KLHL15: variants seen among roughly 807,000 people sequenced by gnomAD.
KLHL15 encodes kelch-like protein 15.
KLHL15 carries 1 observed loss-of-function variant against 29.3 expected under a neutral mutation model. The ratio of observed to expected loss-of-function variants is 0.03; its 90% CI spans 0.01 to 0.16. The LOEUF (loss-of-function observed/expected upper bound fraction) is 0.16, where lower values mean the gene tolerates loss of function less well. KLHL15 is among the 10% of genes least tolerant of loss of function. The pLI is 1.00. For missense variants in KLHL15, 215 were observed against 478.5 expected, an observed-to-expected ratio of 0.45 and a Z score of 5.14; for synonymous variants, 212 against 184.5, an observed-to-expected ratio of 1.15 and a Z score of -1.21.
At position 23,983,910 on chromosome X, in the gene KLHL15, A is replaced by G. The variant is rs1928942065; in HGVS notation, c.*4011T>C. On this transcript the variant is annotated 3_prime_UTR_variant, in exon 4 of 4. Coordinates refer to ENST00000328046, the MANE Select transcript of KLHL15 (RefSeq NM_030624.3). Reference sequence around the variant, plus strand: ...AAAAGGCAAACCTTAAATTATTCTAAGATTTTTATATCGGCCCTAGGATTA... The same window carrying G: ...AAAAGGCAAACCTTAAATTATTCTAGGATTTTTATATCGGCCCTAGGATTA... 9.0e-6 allele frequency: 1 copy of G among 111,631 alleles called. No individual in the cohort carries two copies. The highest frequency in any genetic ancestry group is 3.3e-5 in the African/African-American group (1 of 30,763). The allele number at this position is 111,631 out of a possible 1,213,427, so 9.2% of individuals were successfully genotyped here.
intron 2 of KLHL15, among the ~76,000 whole-genome samples, chrX:24,024,233 G>T (rs373138088): frequency 1.4e-4 from 16 of 111,801 alleles, no homozygotes; most frequent in African/African-American, 4.9e-4. Flanking sequence ...TCACAGCACT[G>T]CTTTACTATT....
intron 2 of KLHL15, among the ~76,000 whole-genome samples, chrX:24,020,923 CTATAATA>C (rs990315833): frequency 2.0e-5 from 2 of 102,009 alleles, no homozygotes; most frequent in African/African-American, 6.7e-5. Context: ...AATCATTAGT[CTATAATA>C]TATATCATTA....
chrX:24,011,084 A>G (rs1428893430), intron 2 of KLHL15, among the ~76,000 whole-genome samples: 2 of 108,390 alleles, frequency 1.8e-5, no homozygotes, highest in African/African-American at 3.4e-5. Context: ...TGTTTCATCA[A>G]TATGTTGTCC....
intron 2 of KLHL15, among the ~76,000 whole-genome samples, chrX:24,010,737 G>T (rs780686080): frequency 5.7e-4 from 63 of 111,263 alleles, no homozygotes; most frequent in Non-Finnish European, 1.0e-3. Flanking sequence ...CCTTCCCCTG[G>T]TTAGGTATTT....
intron 2 of KLHL15, among the ~76,000 whole-genome samples, chrX:24,018,617 G>A (rs1929740769): frequency 9.0e-6 from 1 of 111,284 alleles, no homozygotes; most frequent in Non-Finnish European, 1.9e-5. Context: ...AGCATGATCT[G>A]GGGACAAGTG....
intron 3 of KLHL15, among the ~76,000 whole-genome samples, chrX:23,994,937 A>G (rs1291810707): frequency 9.0e-6 from 1 of 111,474 alleles, no homozygotes; most frequent in Non-Finnish European, 1.9e-5. Context: ...TCGGCCTCCC[A>G]AAGTGCTGGG....
intron 3 of KLHL15, among the ~76,000 whole-genome samples, chrX:23,997,632 G>A (rs1266269298): frequency 2.0e-5 from 2 of 102,435 alleles, no homozygotes; most frequent in Non-Finnish European, 4.0e-5. Context: ...TCGGGAGGCT[G>A]AGGCAGGAGA....
At chrX:24,009,238 T>C (rs1929522664) in intron 2 of KLHL15, among the ~76,000 whole-genome samples, 1 of 111,054 alleles carries the variant, frequency 9.0e-6, no homozygotes, top group African/African-American at 3.3e-5. Flanking sequence ...GGCTCATGCC[T>C]GTAATCCCAA....
At chrX:23,990,793 T>C (rs928945797) in intron 3 of KLHL15, among the ~76,000 whole-genome samples, 1 of 110,771 alleles carries the variant, frequency 9.0e-6, no homozygotes, top group Non-Finnish European at 1.9e-5. Flanking sequence ...CTCCTCTCTT[T>C]CCTTTCCTCC....
At chrX:24,017,484 T>C (rs1929711346) in intron 2 of KLHL15, among the ~76,000 whole-genome samples, 1 of 110,331 alleles carries the variant, frequency 9.1e-6, no homozygotes, top group Non-Finnish European at 1.9e-5. Context: ...ATAATGCAGA[T>C]TTATAACAGA....
At chrX:24,018,428 A>G (rs1375628226) in intron 2 of KLHL15, among the ~76,000 whole-genome samples, 1 of 110,315 alleles carries the variant, frequency 9.1e-6, no homozygotes, top group Non-Finnish European at 1.9e-5. Context: ...TCAGAATTTC[A>G]AATAGTAGGT....
At chrX:24,020,485 T>C (rs1285921803) in intron 2 of KLHL15, among the ~76,000 whole-genome samples, 2 of 111,897 alleles carry the variant, frequency 1.8e-5, no homozygotes, top group Non-Finnish European at 3.8e-5. Context: ...ACCATTTAAC[T>C]AAGCTATTAG....
chrX:24,012,596 C>G (rs1052323327), intron 2 of KLHL15, among the ~76,000 whole-genome samples: 1 of 112,046 alleles, frequency 8.9e-6, no homozygotes, highest in Non-Finnish European at 1.9e-5. Context: ...GTACTTTCAC[C>G]AATACCTGGA....
intron 2 of KLHL15, among the ~76,000 whole-genome samples, chrX:24,012,385 C>T (rs1929593433): frequency 1.8e-5 from 2 of 111,499 alleles, no homozygotes; most frequent in East Asian, 2.8e-4. Context: ...GCTCATCACA[C>T]TCTCAGCTCT....
intron 3 of KLHL15, among the ~76,000 whole-genome samples, chrX:23,996,956 A>G (rs1013193854): frequency 8.0e-5 from 9 of 112,508 alleles, no homozygotes; most frequent in Non-Finnish European, 1.5e-4. Context: ...GCTAAGCATA[A>G]ATCCTTTCAG....
intron 3 of KLHL15, among the ~76,000 whole-genome samples, chrX:23,994,482 TGCAC>T (rs1173579229): frequency 8.9e-6 from 1 of 112,399 alleles, no homozygotes; most frequent in African/African-American, 3.2e-5. Flanking sequence ...TTGATCCATA[TGCAC>T]TAACACAGAT....
At chrX:23,998,211 T>C (rs1225430567) in intron 3 of KLHL15, among the ~76,000 whole-genome samples, 1 of 111,298 alleles carries the variant, frequency 9.0e-6, no homozygotes, top group Non-Finnish European at 1.9e-5. Flanking sequence ...TCCGCCCGCC[T>C]TGGCTTCCCA....
chrX:24,019,635 A>G (rs770154230), intron 2 of KLHL15, among the ~76,000 whole-genome samples: 77 of 105,912 alleles, frequency 7.3e-4, no homozygotes, highest in African/African-American at 2.0e-3. Context: ...AGTGTAAGAG[A>G]TAAGTGACAA....
At chrX:24,015,647 T>TA (rs1929661528) in intron 2 of KLHL15, among the ~76,000 whole-genome samples, 1 of 112,673 alleles carries the variant, frequency 8.9e-6, no homozygotes, top group South Asian at 3.6e-4. Flanking sequence ...AGCGTGGTTC[T>TA]ACCTCTTATT....
Sources: gnomAD v4.1 joint callset for allele counts (sites outside exome capture counted in the v4.1 genomes callset) on GRCh38, gnomAD v4.1.1 for gene constraint, MANE v1.5 for transcripts, NCBI Gene and HGNC (gene_info 2026-07-23, HGNC 2026-07-21) for gene names.